IL33: variants seen among roughly 807,000 people sequenced by gnomAD.
IL33 encodes interleukin 33, also known as interleukin-33.
Under a neutral mutation model 27.3 loss-of-function variants are expected in IL33, and 37 were observed. The observed-to-expected ratio is 1.36, with a 90% CI of 1.04 to 1.78. The LOEUF (loss-of-function observed/expected upper bound fraction) is 1.78, where lower values mean the gene tolerates loss of function less well. Ranked by LOEUF, IL33 falls within the 40% of genes most tolerant of loss-of-function variation. IL33 has a pLI of 0.00. For synonymous variants in IL33, 132 were observed against 102.9 expected, an observed-to-expected ratio of 1.28 and a Z score of -1.71; for missense variants, 406 against 311.4, an observed-to-expected ratio of 1.30 and a Z score of -2.29.
intron 1 of IL33, among the ~76,000 whole-genome samples, chr9:6,233,542 A>G (rs1296068350): frequency 6.6e-6 from 1 of 152,166 alleles, no homozygotes; most frequent in East Asian, 1.9e-4. Flanking sequence ...TCACATCCCA[A>G]TATAAACCTC....
intron 1 of IL33, among the ~76,000 whole-genome samples, chr9:6,221,142 A>T (rs528344239): frequency 1.3e-5 from 2 of 152,298 alleles, no homozygotes; most frequent in East Asian, 3.9e-4. Context: ...ATTCATTCTG[A>T]TGTAATTTGG....
At chr9:6,217,002 A>G (rs1818175039) in intron 1 of IL33, among the ~76,000 whole-genome samples, 1 of 152,086 alleles carries the variant, frequency 6.6e-6, no homozygotes, top group Non-Finnish European at 1.5e-5. Flanking sequence ...TCTCCCCAAA[A>G]ATTTGGAGGC....
In IL33 at chr9:6,253,540, A is replaced by G; in HGVS notation, c.470-12A>G. ...GTGTCTCACCAGAGGGATTTTATGC[A>G]TTCTCTTTCAGATAAGGTGTTACTG... On this transcript the variant is annotated splice_polypyrimidine_tract_variant and intron_variant, in intron 5 of 7. Transcript: ENST00000682010. The G allele has an allele frequency of 6.3e-7, 1 of 1,593,682 alleles. No individual in the cohort carries two copies. Among genetic ancestry groups the G allele is most frequent in the Non-Finnish European group, 8.6e-7 (1 of 1,167,000 alleles).
intron 1 of IL33, among the ~76,000 whole-genome samples, chr9:6,220,704 T>A (rs1462286570): frequency 6.6e-6 from 1 of 152,218 alleles, no homozygotes; most frequent in Non-Finnish European, 1.5e-5. Context: ...TTAACAATAC[T>A]TGATCAGTAG....
chr9:6,256,145 T>G lies in IL33; in HGVS notation c.790T>G (p.Leu264Val), dbSNP rs1427476223. ...SSENLCTENI[L>V]FKLSET ...TGAGAATTTGTGTACTGAAAATATC[T>G]TGTTTAAGCTCTCTGAAACTTAGTT... The change falls in exon 8 of 8, where the codon TTG becomes GTG. Residue 264 changes from leucine (L) to valine (V), a missense_variant. Physicochemically the swap from Leu to Val is conservative, Grantham distance 32. Transcript: ENST00000682010. 4 of 1,613,182 alleles carry G rather than the reference T, an allele frequency of 2.5e-6. No individual in the cohort carries two copies. The African/African-American group carries it at 4.0e-5, about 16-fold the overall frequency.
chr9:6,251,013 C>T, intron 3 of IL33, 127 bp from the exon 4 acceptor site: 1 of 1,228,530 alleles, frequency 8.1e-7, no homozygotes, highest in Non-Finnish European at 1.1e-6. Flanking sequence ...CCCTTTGGAC[C>T]ATGAAGTGGC....
chr9:6,216,729 C>G (rs1818162047), intron 1 of IL33, among the ~76,000 whole-genome samples: 1 of 152,084 alleles, frequency 6.6e-6, no homozygotes, highest in Non-Finnish European at 1.5e-5. Flanking sequence ...GCCTGGGTAA[C>G]AAGAGCTAAA....
At chr9:6,228,497 C>T (rs1216279555) in intron 1 of IL33, among the ~76,000 whole-genome samples, 2 of 151,626 alleles carry the variant, frequency 1.3e-5, no homozygotes, top group East Asian at 3.9e-4. Context: ...CCAAAGGTCT[C>T]TATGTTCCAT....
intron 6 of IL33, among the ~76,000 whole-genome samples, chr9:6,254,086 G>C (rs1159718470): frequency 1.3e-5 from 2 of 152,134 alleles, no homozygotes; most frequent in Non-Finnish European, 2.9e-5. Context: ...GAACTCAGTT[G>C]TATTACTACA....
intron 1 of IL33, among the ~76,000 whole-genome samples, chr9:6,227,479 T>A (rs1269584237): frequency 6.6e-6 from 1 of 152,214 alleles, no homozygotes; most frequent in Non-Finnish European, 1.5e-5. Context: ...GGAAACAGCA[T>A]ATTTCATTAA....
At chr9:6,218,065 C>T (rs188204518) in intron 1 of IL33, among the ~76,000 whole-genome samples, 1 of 152,234 alleles carries the variant, frequency 6.6e-6, no homozygotes, top group Non-Finnish European at 1.5e-5. Context: ...CTTCAGAATC[C>T]TCTATTTCCC....
In IL33 at chr9:6,256,251, G is replaced by A. The variant is rs200809481; in HGVS notation, c.*83G>A. The A allele has an allele frequency of 2.1e-6, 2 of 970,750 alleles. No homozygotes were observed. The highest frequency in any genetic ancestry group is 3.2e-6 in the Non-Finnish European group (2 of 621,046). 60.1% of individuals were successfully genotyped at this position (970,750 alleles called of 1,614,324 possible). On this transcript the variant is annotated 3_prime_UTR_variant, in exon 8 of 8. Coordinates refer to ENST00000682010, the MANE Select transcript of IL33 (RefSeq NM_033439.4). ...ATGAGAGATAAAGAAAGAGACAGGT[G>A]ACATCTAAGGGAAATGAAGAGTGCT...
At chr9:6,226,772 C>T (rs143076903) in intron 1 of IL33, among the ~76,000 whole-genome samples, 1 of 152,328 alleles carries the variant, frequency 6.6e-6, no homozygotes, top group East Asian at 1.9e-4. Context: ...TTCTAATACA[C>T]AAAGGCTTTG....
At chr9:6,253,507 A>G in intron 5 of IL33, 45 bp from the exon 6 acceptor site, 1 of 1,436,726 alleles carries the variant, frequency 7.0e-7, no homozygotes, top group Non-Finnish European at 9.7e-7. Context: ...TGAAAACTTA[A>G]CAAAATTGTG....
At position 6,251,196 on chromosome 9, in the gene IL33, G is replaced by T; in HGVS notation, c.274G>T (p.Glu92Ter). Residue 92 changes from glutamate to a stop codon, truncating the protein, a stop_gained, in exon 4 of 8, where the codon GAG becomes TAG. Coordinates refer to ENST00000682010, the MANE Select transcript of IL33 (RefSeq NM_033439.4). LOFTEE classifies it high-confidence loss of function. ...LAACQQQSTV[E>*]CFAFGISGVQ... ...TGCCTGTCAACAGCAGTCTACTGTG[G>T]AGTGCTTTGCCTTTGGTATATCAGG... 1 of 1,614,002 alleles carries T rather than the reference G, an allele frequency of 6.2e-7. No individual in the cohort carries two copies. Among genetic ancestry groups the T allele is most frequent in the Non-Finnish European group, 8.5e-7 (1 of 1,179,922 alleles).
In IL33 at chr9:6,249,381, C is replaced by T. The variant is rs573830623; in HGVS notation, c.92-1093C>T. Reference sequence around the variant, plus strand: ...ATTACTGTGACTAATTGAAATTTGACTTCATTGTATAAATTGCTTGATAAT... The same window carrying T: ...ATTACTGTGACTAATTGAAATTTGATTTCATTGTATAAATTGCTTGATAAT... On this transcript the variant is annotated intron_variant, in intron 2 of 7. Coordinates refer to ENST00000682010, the MANE Select transcript of IL33 (RefSeq NM_033439.4). 7.9e-5 allele frequency among the ~76,000 whole-genome samples: 12 copies of T among 152,232 alleles called. No individual in the cohort carries two copies. The South Asian group carries it at 2.5e-3, about 32-fold the overall frequency.
At chr9:6,249,233 T>A (rs1816190846) in intron 2 of IL33, among the ~76,000 whole-genome samples, 1 of 152,216 alleles carries the variant, frequency 6.6e-6, no homozygotes, top group Non-Finnish European at 1.5e-5. Flanking sequence ...TTCAAAATAA[T>A]AGCTAATAAA....
intron 2 of IL33, among the ~76,000 whole-genome samples, chr9:6,249,634 G>A (rs12683544): frequency 6.6e-6 from 1 of 152,166 alleles, no homozygotes; most frequent in Non-Finnish European, 1.5e-5. Context: ...TCAAATTGTA[G>A]TGTAGCATTT....
rs111636145 is a variant in IL33 at position 6,253,515 on chromosome 9, G to T, written c.470-37G>T. 1.5e-5 allele frequency: 22 copies of T among 1,499,158 alleles called. No individual in the cohort carries two copies. In the African/African-American group the frequency reaches 2.6e-4, roughly 18 times the overall value. 92.9% of individuals were successfully genotyped at this position (1,499,158 alleles called of 1,614,324 possible). ...TTGGAACTGAAAACTTAACAAAATT[G>T]TGTCTCACCAGAGGGATTTTATGCA... On this transcript the variant is annotated intron_variant, in intron 5 of 7. Transcript: ENST00000682010.
Sources: allele counts gnomAD v4.1 joint callset (sites outside exome capture counted in the v4.1 genomes callset), GRCh38; gene constraint gnomAD v4.1.1; transcripts MANE v1.5; gene names NCBI Gene and HGNC (gene_info 2026-07-23, HGNC 2026-07-21).